The following CDK14 variants were observed in gnomAD, a reference collection of about 807,000 sequenced individuals.
The protein encoded by CDK14 is cyclin dependent kinase 14, also known as cyclin-dependent kinase 14.
A neutral mutation model predicts 60.7 loss-of-function variants in CDK14; 34 were observed. The ratio of observed to expected loss-of-function variants is 0.56; its 90% confidence interval spans 0.43 to 0.75. The LOEUF is 0.75. Ranked by LOEUF, CDK14 falls within the 30% of genes least tolerant of loss-of-function variation. The pLI, the probability that CDK14 is intolerant of heterozygous loss-of-function variation, is 0.00. For missense variants in CDK14, 482 were observed against 564.1 expected (o/e 0.85, Z 1.47); for synonymous variants, 197 against 203.7 (o/e 0.97, Z 0.28).
chr7:90,683,054 G>A (rs1801353297), intron 2 of CDK14, among the ~76,000 whole-genome samples: 1 of 152,106 alleles, frequency 6.6e-6, no homozygotes, highest in African/African-American at 2.4e-5. Flanking sequence ...TGGGCAATCT[G>A]TGGGGAGACA....
intron 10 of CDK14, among the ~76,000 whole-genome samples, chr7:91,043,438 C>T (rs1050367750): frequency 2.0e-5 from 3 of 152,168 alleles, no homozygotes; most frequent in Admixed American, 6.5e-5. Context: ...CTCCTTTGTC[C>T]TTGATGCAAA....
chr7:90,733,082 T>G (rs1802939302), intron 3 of CDK14, among the ~76,000 whole-genome samples: 1 of 152,232 alleles, frequency 6.6e-6, no homozygotes, highest in Non-Finnish European at 1.5e-5. Flanking sequence ...TATTTCTGCC[T>G]TAATTTCGTT....
At chr7:90,844,157 T>A (rs1321091602) in intron 5 of CDK14, among the ~76,000 whole-genome samples, 2 of 152,188 alleles carry the variant, frequency 1.3e-5, no homozygotes, top group Admixed American at 1.3e-4. Flanking sequence ...AGAAAAGCAC[T>A]TTAATAGCTA....
chr7:91,094,475 C>T (rs757763188), intron 12 of CDK14, among the ~76,000 whole-genome samples: 1 of 152,160 alleles, frequency 6.6e-6, no homozygotes, highest in Non-Finnish European at 1.5e-5. Context: ...TCACGGCACA[C>T]GTCTGTGCCT....
At chr7:90,910,829 A>T (rs112370573) in intron 7 of CDK14, among the ~76,000 whole-genome samples, 30 of 152,138 alleles carry the variant, frequency 2.0e-4, no homozygotes, top group African/African-American at 7.0e-4. Flanking sequence ...GGTTTGTTGC[A>T]TAGGTAAAGG....
chr7:90,851,822 TTTA>T (rs775032877), intron 5 of CDK14, among the ~76,000 whole-genome samples: 3 of 152,028 alleles, frequency 2.0e-5, no homozygotes, highest in African/African-American at 7.2e-5. Context: ...TGCTAATTTA[TTTA>T]TTATTATTAT....
chr7:90,864,445 A>T (rs1791108956), intron 6 of CDK14, among the ~76,000 whole-genome samples: 1 of 152,072 alleles, frequency 6.6e-6, no homozygotes, highest in African/African-American at 2.4e-5. Flanking sequence ...CATACTTTTA[A>T]GTATGTCTAG....
chr7:90,841,903 A>G (rs947474542), intron 5 of CDK14, among the ~76,000 whole-genome samples: 1 of 152,088 alleles, frequency 6.6e-6, no homozygotes, highest in Non-Finnish European at 1.5e-5. Context: ...CCATCCTTAC[A>G]CTGAAGATGA....
At chr7:90,936,041 T>TAA (rs11444141) in intron 8 of CDK14, among the ~76,000 whole-genome samples, 6 of 146,336 alleles carry the variant, frequency 4.1e-5, no homozygotes, top group East Asian at 2.0e-4. Context: ...GACCCTGTCT[T>TAA]AAAAAAAAAA....
intron 8 of CDK14, among the ~76,000 whole-genome samples, chr7:90,939,863 A>G (rs1348492535): frequency 6.6e-6 from 1 of 152,186 alleles, no homozygotes; most frequent in Non-Finnish European, 1.5e-5. Flanking sequence ...GAGAATATTT[A>G]AATAGTAGTT....
intron 14 of CDK14, among the ~76,000 whole-genome samples, chr7:91,180,064 G>T (rs1285074240): frequency 6.6e-6 from 1 of 152,128 alleles, no homozygotes; most frequent in African/African-American, 2.4e-5. Flanking sequence ...TTCTATAAGG[G>T]AAGTGCACTG....
At chr7:90,823,627 C>T (rs867446795) in intron 5 of CDK14, among the ~76,000 whole-genome samples, 71 of 152,234 alleles carry the variant, frequency 4.7e-4, no homozygotes, top group Middle Eastern at 3.4e-3. Context: ...GTAGGTATTT[C>T]GAATCAACCA....
intron 5 of CDK14, among the ~76,000 whole-genome samples, chr7:90,859,868 T>C (rs1383500824): frequency 2.0e-5 from 3 of 152,164 alleles, no homozygotes; most frequent in Non-Finnish European, 4.4e-5. Context: ...AGCAACTAGA[T>C]TCTGAATAAA....
chr7:90,854,414 G>A (rs374469360), intron 5 of CDK14, among the ~76,000 whole-genome samples: 3 of 152,096 alleles, frequency 2.0e-5, no homozygotes, highest in East Asian at 3.8e-4. Context: ...GTGGCGGCAG[G>A]TGCCTGTGGT....
chr7:91,157,299 C>T (rs2724357), intron 14 of CDK14, among the ~76,000 whole-genome samples: 46,900 of 152,066 alleles, frequency 0.31, 7,460 homozygotes, highest in East Asian at 0.38. Context: ...GCTTGATCCT[C>T]AAAGGCCCCA....
At chr7:90,994,240 G>T (rs1003387471) in intron 10 of CDK14, among the ~76,000 whole-genome samples, 1 of 152,190 alleles carries the variant, frequency 6.6e-6, no homozygotes, top group Admixed American at 6.5e-5. Context: ...GTTGGGACTA[G>T]CCAAACATTC....
rs541262385 is a variant in CDK14 at position 91,106,454 on chromosome 7, A to T, written c.1155-6088A>T. Reference sequence around the variant, plus strand: ...GCACAAAAAAATAATCTGGGAGGGAATGTCTGAAACATGAGAAGAAAGGTG... The same window carrying T: ...GCACAAAAAAATAATCTGGGAGGGATTGTCTGAAACATGAGAAGAAAGGTG... On this transcript the variant is annotated intron_variant, in intron 12 of 14. Coordinates refer to ENST00000380050, the MANE Select transcript of CDK14 (RefSeq NM_001287135.2). Among the ~76,000 whole-genome samples, 4 of 152,336 alleles carry T rather than the reference A, an allele frequency of 2.6e-5. No individual in the cohort carries two copies. The East Asian group carries it at 7.7e-4, about 29-fold the overall frequency.
At chr7:90,805,073 G>A (rs1788769728) in intron 5 of CDK14, among the ~76,000 whole-genome samples, 1 of 151,988 alleles carries the variant, frequency 6.6e-6, no homozygotes, top group Admixed American at 6.6e-5. Context: ...ATGACTGTTA[G>A]GATTTACACT....
intron 12 of CDK14, among the ~76,000 whole-genome samples, chr7:91,084,433 A>G (rs1379675307): frequency 6.6e-6 from 1 of 152,192 alleles, no homozygotes; most frequent in East Asian, 1.9e-4. Context: ...TGGGTAATGC[A>G]CCATGGGAAA....
Sources: allele counts gnomAD v4.1 joint callset (sites outside exome capture counted in the v4.1 genomes callset), GRCh38; gene constraint gnomAD v4.1.1; transcripts MANE v1.5; gene names NCBI Gene and HGNC (gene_info 2026-07-23, HGNC 2026-07-21).